Variants in PDE8B observed in about 807,000 individuals in gnomAD.
The protein encoded by PDE8B is phosphodiesterase 8B.
Under a neutral mutation model 101.3 loss-of-function variants are expected in PDE8B, and 26 were observed. That is an observed-to-expected ratio of 0.26 (90% CI 0.19 to 0.36). The LOEUF is 0.36. PDE8B is among the 10% of genes least tolerant of loss of function. PDE8B has a pLI of 1.00. For synonymous variants in PDE8B, 424 were observed against 429.3 expected (o/e 0.99, Z 0.15); for missense variants, 810 against 1,163.1 (o/e 0.70, Z 4.42).
At chr5:77,302,779 T>G (rs1770269776) in intron 1 of PDE8B, among the ~76,000 whole-genome samples, 1 of 152,176 alleles carries the variant, frequency 6.6e-6, no homozygotes, top group African/African-American at 2.4e-5. Flanking sequence ...GTAAGTGGCT[T>G]AACCTTTCTG....
At chr5:77,130,670 T>C in the PDE8B span, among the ~76,000 whole-genome samples, 1 of 152,230 alleles carries the variant, frequency 6.6e-6, no homozygotes. Context: ...CATGGGGCTG[T>C]TCTCCATAAT....
At chr5:77,399,153 G>C (rs1791703774) in intron 10 of PDE8B, among the ~76,000 whole-genome samples, 1 of 152,268 alleles carries the variant, frequency 6.6e-6, no homozygotes, top group African/African-American at 2.4e-5. Flanking sequence ...AATGCTATGT[G>C]AATCTGCCTA....
chr5:77,311,699 A>G (rs1462067893), intron 1 of PDE8B, among the ~76,000 whole-genome samples: 1 of 152,232 alleles, frequency 6.6e-6, no homozygotes, highest in Non-Finnish European at 1.5e-5. Flanking sequence ...GTACATGCTT[A>G]TTATAAAAAT....
At chr5:77,312,264 T>G (rs1467955717) in intron 2 of PDE8B, among the ~76,000 whole-genome samples, 1 of 151,854 alleles carries the variant, frequency 6.6e-6, no homozygotes, top group East Asian at 1.9e-4. Context: ...CCACCATGCC[T>G]GGCTAATTTT....
chr5:77,160,378 A>G, the PDE8B span, among the ~76,000 whole-genome samples: 4 of 152,216 alleles, frequency 2.6e-5, no homozygotes, highest in Non-Finnish European at 5.9e-5. Flanking sequence ...ATCCACAGAC[A>G]GGAAAATTTG....
At chr5:77,206,692 A>G (rs1747532209), upstream of PDE8B, among the ~76,000 whole-genome samples, 1 of 152,004 alleles carries the variant, frequency 6.6e-6, no homozygotes, top group African/African-American at 2.4e-5. Context: ...TTAAACTTCA[A>G]GGAGGCTGTG....
intron 1 of PDE8B, among the ~76,000 whole-genome samples, chr5:77,279,636 G>C (rs1422671920): frequency 6.6e-6 from 1 of 152,164 alleles, no homozygotes; most frequent in Non-Finnish European, 1.5e-5. Flanking sequence ...GCAGGTATTA[G>C]TATCCACATT....
chr5:77,229,059 A>G (rs893708697), intron 1 of PDE8B, among the ~76,000 whole-genome samples: 4 of 152,100 alleles, frequency 2.6e-5, no homozygotes, highest in Non-Finnish European at 5.9e-5. Context: ...AAAGGAAAGG[A>G]TGGAAGGGAG....
At chr5:77,160,590 T>G in the PDE8B span, among the ~76,000 whole-genome samples, 2 of 152,206 alleles carry the variant, frequency 1.3e-5, no homozygotes, top group African/African-American at 4.8e-5. Flanking sequence ...TCTTCTTTTA[T>G]GAATTACTCC....
chr5:77,288,363 A>G (rs1766485929), intron 1 of PDE8B, among the ~76,000 whole-genome samples: 1 of 152,220 alleles, frequency 6.6e-6, no homozygotes, highest in Non-Finnish European at 1.5e-5. Context: ...GGACACCAAA[A>G]GCCACATTTT....
chr5:77,217,685 C>T (rs748902712), intron 1 of PDE8B, among the ~76,000 whole-genome samples: 7 of 151,984 alleles, frequency 4.6e-5, no homozygotes, highest in Non-Finnish European at 8.8e-5. Flanking sequence ...GCAGGTGGTG[C>T]CACCACCCTC....
Position 77,264,288 on chromosome 5 carries a change from G to T in PDE8B, c.340-47706G>T, listed in dbSNP as rs566289368. On this transcript the variant is annotated intron_variant, in intron 1 of 21. Transcript: ENST00000264917. ...ATTTCTTTCAGGTATGTACCTAGGG[G>T]TGAAATTGCTGGGTCATATGGTAAC... is the stretch of plus-strand genomic sequence containing the variant. 1.5e-4 allele frequency among the ~76,000 whole-genome samples: 23 copies of T among 152,326 alleles called. No individual in the cohort carries two copies. The South Asian group carries it at 2.3e-3, about 15-fold the overall frequency.
the PDE8B span, among the ~76,000 whole-genome samples, chr5:77,102,857 GA>G: frequency 2.6e-5 from 4 of 152,188 alleles, no homozygotes; most frequent in African/African-American, 9.7e-5. Flanking sequence ...AAAATCTTGA[GA>G]AAGGACTTGA....
chr5:77,191,554 C>T, the PDE8B span, among the ~76,000 whole-genome samples: 1 of 152,116 alleles, frequency 6.6e-6, no homozygotes, highest in Admixed American at 6.5e-5. Flanking sequence ...GGGGTTTCAC[C>T]GTGTTAGCCA....
intron 19 of PDE8B, among the ~76,000 whole-genome samples, 179 bp from the exon 20 acceptor site, chr5:77,421,640 TTC>T (rs1365490245): frequency 6.6e-6 from 1 of 152,184 alleles, no homozygotes; most frequent in Non-Finnish European, 1.5e-5. Context: ...TATCAGTATA[TTC>T]TTTTTTTAAA....
chr5:77,264,169 T>C (rs563284725), intron 1 of PDE8B, among the ~76,000 whole-genome samples: 9 of 152,366 alleles, frequency 5.9e-5, no homozygotes, highest in Non-Finnish European at 1.3e-4. Context: ...TACCTCATTT[T>C]ATTTATCCAC....
chr5:77,423,957 T>C (rs1304770009), intron 20 of PDE8B, among the ~76,000 whole-genome samples: 1 of 151,890 alleles, frequency 6.6e-6, no homozygotes, highest in Admixed American at 6.6e-5. Context: ...TTTTTTTATG[T>C]TTATTGGCTG....
chr5:77,099,753 G>A, the PDE8B span, among the ~76,000 whole-genome samples: 1 of 152,090 alleles, frequency 6.6e-6, no homozygotes, highest in African/African-American at 2.4e-5. Flanking sequence ...GGGACTATAG[G>A]TGCACGTCAC....
Position 77,400,109 on chromosome 5 carries a change from ATC to A in PDE8B, c.1168-137_1168-136del. 7.3e-6 allele frequency: 5 copies of A among 681,982 alleles called. 1 individual carries two copies. In the Admixed American group the frequency reaches 1.1e-4, roughly 15 times the overall value. 42.2% of individuals were successfully genotyped at this position (681,982 alleles called of 1,614,324 possible). ...TAGTACCACTTGGTGTATGTCTTTC[ATC>A]TGTTCATATTATATGTGCAGCTTCT... On this transcript the variant is annotated intron_variant, in intron 10 of 21. Transcript: ENST00000264917.
Sources: gnomAD v4.1 joint callset for allele counts (sites outside exome capture counted in the v4.1 genomes callset) on GRCh38, gnomAD v4.1.1 for gene constraint, MANE v1.5 for transcripts, NCBI Gene and HGNC (gene_info 2026-07-23, HGNC 2026-07-21) for gene names.